Variants in ENTREP2 observed in about 807,000 individuals in gnomAD.
The protein encoded by ENTREP2 is endosomal transmembrane epsin interactor 2.
the ENTREP2 span, among the ~76,000 whole-genome samples, chr15:29,558,490 G>A: frequency 3.0e-4 from 46 of 151,222 alleles, 1 homozygote; most frequent in South Asian, 8.0e-3. Context: ...CAGCCCGGCC[G>A]GTCACCCATC....
chr15:29,359,891 A>G, the ENTREP2 span, among the ~76,000 whole-genome samples: 1 of 152,222 alleles, frequency 6.6e-6, no homozygotes, highest in African/African-American at 2.4e-5. Flanking sequence ...AAATTGTTTC[A>G]ACTTCATCCC....
the ENTREP2 span, among the ~76,000 whole-genome samples, chr15:29,289,594 C>G: frequency 8.8e-4 from 134 of 152,144 alleles, 1 homozygote; most frequent in African/African-American, 3.2e-3. Context: ...GTCTGTAATC[C>G]CAGCACTTTG....
chr15:29,489,440 T>C, the ENTREP2 span, among the ~76,000 whole-genome samples: 1 of 152,182 alleles, frequency 6.6e-6, no homozygotes, highest in East Asian at 1.9e-4. Context: ...TGGGGTGATC[T>C]TTATCAACAG....
chr15:29,405,440 C>T, the ENTREP2 span, among the ~76,000 whole-genome samples: 2 of 152,152 alleles, frequency 1.3e-5, no homozygotes, highest in South Asian at 4.2e-4. Flanking sequence ...CTCAATGACA[C>T]TGTGCCCTTT....
chr15:29,603,509 T>G, the ENTREP2 span, among the ~76,000 whole-genome samples: 1 of 152,102 alleles, frequency 6.6e-6, no homozygotes, highest in Non-Finnish European at 1.5e-5. Flanking sequence ...AAGGGGGCTC[T>G]CCCACAGGGC....
the ENTREP2 span, among the ~76,000 whole-genome samples, chr15:29,222,602 T>C: frequency 1.3e-5 from 2 of 152,084 alleles, no homozygotes; most frequent in South Asian, 4.1e-4. Flanking sequence ...TCTTCCTTCT[T>C]ACATTTAAAA....
chr15:29,488,013 C>T, the ENTREP2 span, among the ~76,000 whole-genome samples: 4 of 152,148 alleles, frequency 2.6e-5, no homozygotes, highest in Non-Finnish European at 5.9e-5. Context: ...TCAACAATAA[C>T]TTATGAACCA....
At chr15:29,316,468 T>C in the ENTREP2 span, among the ~76,000 whole-genome samples, 1 of 152,232 alleles carries the variant, frequency 6.6e-6, no homozygotes, top group South Asian at 2.1e-4. Flanking sequence ...CTATTAGTTG[T>C]GATCACGGCA....
chr15:29,597,891 G>C, the ENTREP2 span, among the ~76,000 whole-genome samples: 6 of 152,144 alleles, frequency 3.9e-5, no homozygotes, highest in Non-Finnish European at 8.8e-5. Context: ...GGAGGCCGAG[G>C]AGTGTGGATT....
At chr15:29,674,138 G>GGGGT in the ENTREP2 span, among the ~76,000 whole-genome samples, 1 of 149,880 alleles carries the variant, frequency 6.7e-6, no homozygotes, top group Non-Finnish European at 1.5e-5. Flanking sequence ...TGGGGGGGGG[G>GGGGT]GGGGGCTTTG....
chr15:29,337,838 C>A, the ENTREP2 span, among the ~76,000 whole-genome samples: 1 of 152,058 alleles, frequency 6.6e-6, no homozygotes, highest in Admixed American at 6.5e-5. Context: ...TCCCTATGAT[C>A]CTAAAGTGAT....
chr15:29,469,558 G>C, the ENTREP2 span, among the ~76,000 whole-genome samples: 7 of 152,172 alleles, frequency 4.6e-5, no homozygotes, highest in Admixed American at 4.6e-4. Flanking sequence ...AAGTAGAGTG[G>C]TGGTTGCCAT....
chr15:29,292,360 C>A, the ENTREP2 span, among the ~76,000 whole-genome samples: 1 of 148,068 alleles, frequency 6.8e-6, no homozygotes, highest in Non-Finnish European at 1.5e-5. Context: ...TCCTTCCTTC[C>A]TTCCTTCTTT....
chr15:29,665,852 CTTTTT>C, the ENTREP2 span, among the ~76,000 whole-genome samples: 1 of 131,084 alleles, frequency 7.6e-6, no homozygotes, highest in Non-Finnish European at 1.6e-5. Flanking sequence ...TTTACATCAT[CTTTTT>C]TTTTTTTTTT....
At chr15:29,458,528 G>A in the ENTREP2 span, among the ~76,000 whole-genome samples, 1 of 152,008 alleles carries the variant, frequency 6.6e-6, no homozygotes, top group African/African-American at 2.4e-5. Flanking sequence ...TCTTCTCAAA[G>A]CCTCCCTGCC....
the ENTREP2 span, among the ~76,000 whole-genome samples, chr15:29,403,911 T>G: frequency 6.6e-6 from 1 of 152,178 alleles, no homozygotes; most frequent in Non-Finnish European, 1.5e-5. Flanking sequence ...CTGGGAGCTG[T>G]GCTCTGCTCT....
chr15:29,360,959 A>C, the ENTREP2 span, among the ~76,000 whole-genome samples: 1,095 of 152,326 alleles, frequency 7.2e-3, 16 homozygotes, highest in African/African-American at 0.025. Flanking sequence ...GAGAAGACTC[A>C]ACAACCTGTT....
chr15:29,173,765 T>G, the ENTREP2 span, among the ~76,000 whole-genome samples: 2 of 152,130 alleles, frequency 1.3e-5, no homozygotes, highest in Non-Finnish European at 2.9e-5. Context: ...TATTCATCTA[T>G]AAACATTATG....
At chr15:29,532,114 C>T in the ENTREP2 span, among the ~76,000 whole-genome samples, 3 of 152,134 alleles carry the variant, frequency 2.0e-5, no homozygotes, top group South Asian at 2.1e-4. Flanking sequence ...TCTTTAACTT[C>T]CTCCTCCTAT....
Sources: gnomAD v4.1 joint callset for allele counts (sites outside exome capture counted in the v4.1 genomes callset) on GRCh38, gnomAD v4.1.1 for gene constraint, MANE v1.5 for transcripts, NCBI Gene and HGNC (gene_info 2026-07-23, HGNC 2026-07-21) for gene names.